The following SKI variants were observed in gnomAD, a reference collection of about 807,000 sequenced individuals.
The protein encoded by SKI is ski oncogene.
In SKI, 23 loss-of-function variants were observed where a neutral mutation model predicts 59.3. That is an observed-to-expected ratio of 0.39 (90% confidence interval 0.28 to 0.55). The LOEUF is 0.55. Among genes scored for constraint, SKI ranks in the 20% least tolerant of loss-of-function variants. The pLI is 0.67. For missense variants in SKI, 1,017 were observed against 1,038.9 expected (o/e 0.98, Z 0.29); for synonymous variants, 673 against 488.6 (o/e 1.38, Z -4.98).
intron 1 of SKI, among the ~76,000 whole-genome samples, chr1:2,271,262 A>C (rs1296706294): frequency 1.3e-5 from 2 of 151,848 alleles, no homozygotes; most frequent in Non-Finnish European, 2.9e-5. Context: ...GCTTTTGTTC[A>C]CTGAAGAACA....
rs1231330812 is a variant in SKI at position 2,306,961 on chromosome 1, G to GT, written c.*197dup. ...TTTTCTACTGGCCAAGTTCAAGTGA[G>GT]TAAGCCGCGTCCCCCAACTACAGCT... On this transcript the variant is annotated 3_prime_UTR_variant, in exon 7 of 7. Coordinates refer to ENST00000378536, the MANE Select transcript of SKI (RefSeq NM_003036.4). The GT allele has an allele frequency of 3.2e-5, 11 of 343,312 alleles. No individual in the cohort carries two copies. The highest frequency in any genetic ancestry group is 5.1e-5 in the Admixed American group (1 of 19,602). 21.3% of individuals were successfully genotyped at this position (343,312 alleles called of 1,614,324 possible). A position where few individuals can be genotyped will look rare whatever the true frequency, so the allele number is the denominator to read the frequency against.
intron 1 of SKI, among the ~76,000 whole-genome samples, chr1:2,293,377 G>T (rs982034007): frequency 6.6e-6 from 1 of 152,106 alleles, no homozygotes; most frequent in African/African-American, 2.4e-5. Flanking sequence ...TCCAGCCGAG[G>T]GTTGGGGCCT....
chr1:2,248,245 G>A (rs1256721293), intron 1 of SKI, among the ~76,000 whole-genome samples: 2 of 152,166 alleles, frequency 1.3e-5, no homozygotes, highest in South Asian at 2.1e-4. Context: ...CCACACTGCC[G>A]CGTCCCCTCT....
intron 1 of SKI, among the ~76,000 whole-genome samples, chr1:2,249,223 A>G (rs1569718254): frequency 6.6e-6 from 1 of 152,288 alleles, no homozygotes; most frequent in East Asian, 1.9e-4. Flanking sequence ...ATCAGGTCCC[A>G]TTGTGGTTGG....
intron 1 of SKI, among the ~76,000 whole-genome samples, chr1:2,253,345 G>A (rs374888661): frequency 5.9e-5 from 9 of 152,142 alleles, no homozygotes; most frequent in African/African-American, 9.7e-5. Flanking sequence ...CCAGCACAGC[G>A]GGCAAAAGGT....
At chr1:2,290,788 C>T (rs1315707031) in intron 1 of SKI, among the ~76,000 whole-genome samples, 3 of 152,202 alleles carry the variant, frequency 2.0e-5, no homozygotes, top group Non-Finnish European at 4.4e-5. Flanking sequence ...CCGGGGATGG[C>T]AGGACGCATT....
At chr1:2,300,742 C>T (rs1281623491) in intron 1 of SKI, among the ~76,000 whole-genome samples, 3 of 152,212 alleles carry the variant, frequency 2.0e-5, no homozygotes, top group Admixed American at 6.5e-5. Context: ...GGGGTCTTAA[C>T]GGAGTCATGT....
In SKI at chr1:2,303,375, C is replaced by T; in HGVS notation, c.1186C>T (p.His396Tyr). 1 of 1,613,452 alleles carries T rather than the reference C, an allele frequency of 6.2e-7. No homozygotes were observed. Among genetic ancestry groups the T allele is most frequent in the Non-Finnish European group, 8.5e-7 (1 of 1,179,978 alleles). ...VSASEKELSP[H>Y]LPALIRDSFY... The stretch of plus-strand genomic sequence containing the variant: ...AGCGAGTGAGAAAGAGCTCTCCCCA[C>T]ACCTCCCGGCCCTCATCCGAGACAG... Residue 396 changes from histidine to tyrosine, a missense_variant, in exon 3 of 7, where the codon CAC becomes TAC. Physicochemically the swap from His to Tyr is moderately conservative, Grantham distance 83 (BLOSUM62 2). Transcript: ENST00000378536. This position sits in a 1 kb window ranked among gnomAD's most constrained non-coding sequence, Gnocchi z 5.6.
intron 1 of SKI, among the ~76,000 whole-genome samples, chr1:2,245,963 A>AT (rs1370617594): frequency 4.8e-5 from 7 of 146,476 alleles, no homozygotes; most frequent in Admixed American, 1.4e-4. Context: ...CACCTGGCTA[A>AT]TTTTTGTTTT....
At position 2,306,534 on chromosome 1, in the gene SKI, A is replaced by G. The variant is rs371963326; in HGVS notation, c.1999-43A>G. ...GGGGGAAGCAGCGTCGGGCCGGGGCAGGGCAGCGAGCAGGCGCCGCTGACC... is the reference window on the plus strand; with the variant it reads ...GGGGGAAGCAGCGTCGGGCCGGGGCGGGGCAGCGAGCAGGCGCCGCTGACC... On this transcript the variant is annotated intron_variant, in intron 6 of 6. Coordinates refer to ENST00000378536, the MANE Select transcript of SKI (RefSeq NM_003036.4). 1.3e-3 allele frequency: 1,912 copies of G among 1,521,190 alleles called. 19 individuals are homozygous for G. The African/African-American group carries it at 0.02, about 16-fold the overall frequency. 94.2% of individuals were successfully genotyped at this position (1,521,190 alleles called of 1,614,324 possible).
At chr1:2,280,179 C>G (rs1639840706) in intron 1 of SKI, among the ~76,000 whole-genome samples, 1 of 151,240 alleles carries the variant, frequency 6.6e-6, no homozygotes, top group Admixed American at 6.6e-5. Flanking sequence ...ATTAGCCTGG[C>G]TGATATGGTG....
At chr1:2,286,970 G>A (rs553828307) in intron 1 of SKI, among the ~76,000 whole-genome samples, 18 of 152,370 alleles carry the variant, frequency 1.2e-4, no homozygotes, top group African/African-American at 4.1e-4. Context: ...TGGGGACAGA[G>A]CGTTAAGCCC....
intron 1 of SKI, among the ~76,000 whole-genome samples, chr1:2,292,374 C>A (rs1640179879): frequency 6.6e-6 from 1 of 152,118 alleles, no homozygotes; most frequent in African/African-American, 2.4e-5. Context: ...CAGTGGGCTG[C>A]CCTGGGTGCC....
intron 1 of SKI, among the ~76,000 whole-genome samples, chr1:2,249,473 G>A (rs1449599949): frequency 6.6e-6 from 1 of 152,258 alleles, no homozygotes; most frequent in Admixed American, 6.5e-5. Flanking sequence ...AAGTGTCTCT[G>A]CCTTTGGTGG....
rs542594222 is a variant in SKI at position 2,231,562 on chromosome 1, C to G, written c.969+1827C>G. Reference sequence around the variant, plus strand: ...GCCATAGAGACAGGCCAGACAGGCTCTGGTCATCTCAGCGGATGCCTCCGA... The same window carrying G: ...GCCATAGAGACAGGCCAGACAGGCTGTGGTCATCTCAGCGGATGCCTCCGA... On this transcript the variant is annotated intron_variant, in intron 1 of 6. Transcript: ENST00000378536. 4.3e-4 allele frequency among the ~76,000 whole-genome samples: 66 copies of G among 152,222 alleles called. 1 individual carries two copies. Among genetic ancestry groups the G allele is most frequent in the Middle Eastern group, 3.2e-3 (1 of 316 alleles).
At chr1:2,237,675 A>G (rs1457036479) in intron 1 of SKI, among the ~76,000 whole-genome samples, 5 of 152,216 alleles carry the variant, frequency 3.3e-5, no homozygotes, top group Non-Finnish European at 7.3e-5. Context: ...TGCTTTTACT[A>G]TGGAGCAGAT....
In SKI at chr1:2,265,418, C is replaced by T. The variant is rs1321367735; in HGVS notation, c.969+35683C>T. Among the ~76,000 whole-genome samples, 3 of 152,282 alleles carry T rather than the reference C, an allele frequency of 2.0e-5. No homozygotes were observed. In the East Asian group the frequency reaches 5.8e-4, roughly 29 times the overall value. ...ACAATGTCTCCTCCACGGTTAATCC[C>T]ATATAGCGGATGTTTCATCTCTAGA... On this transcript the variant is annotated intron_variant, in intron 1 of 6. Coordinates refer to ENST00000378536, the MANE Select transcript of SKI (RefSeq NM_003036.4).
chr1:2,300,591 A>G (rs1296112425), intron 1 of SKI, among the ~76,000 whole-genome samples: 2 of 152,220 alleles, frequency 1.3e-5, no homozygotes, highest in African/African-American at 4.8e-5. Context: ...AATACTGCTC[A>G]GGTGACAGTC....
At chr1:2,287,529 G>A (rs6682474) in intron 1 of SKI, among the ~76,000 whole-genome samples, 51,552 of 151,380 alleles carry the variant, frequency 0.34, 9,481 homozygotes, top group Non-Finnish European at 0.42. Context: ...GTAGAGACGG[G>A]GTTTCACTGT....
Sources: gnomAD v4.1 joint callset for allele counts (sites outside exome capture counted in the v4.1 genomes callset) on GRCh38, gnomAD v4.1.1 for gene constraint, Gnocchi (gnomAD v3.1) non-coding constraint, MANE v1.5 for transcripts, NCBI Gene and HGNC (gene_info 2026-07-23, HGNC 2026-07-21) for gene names.